GPR35: variants seen among roughly 807,000 people sequenced by gnomAD.
GPR35 encodes the protein KYNA receptor.
For missense variants in GPR35, 372 were observed against 422.5 expected, an observed-to-expected ratio of 0.88 and a Z score of 1.05; for synonymous variants, 207 against 198.4, an observed-to-expected ratio of 1.04 and a Z score of -0.36.
intron 1 of GPR35, chr2:240,629,145 T>G (rs1229450210): frequency 6.6e-6 from 1 of 152,370 alleles, no homozygotes; most frequent in Non-Finnish European, 1.5e-5. Context: ...GGTGACTTTG[T>G]GGGTGGTCCT....
intron 2 of GPR35, among the ~76,000 whole-genome samples, chr2:240,606,799 T>C (rs1425746121): frequency 6.6e-6 from 1 of 152,192 alleles, no homozygotes; most frequent in Non-Finnish European, 1.5e-5. Context: ...GAGCTGAGGC[T>C]GGAGATGTAA....
chr2:240,627,560 G>A (rs796191939), intron 1 of GPR35: 21 of 150,588 alleles, frequency 1.4e-4, no homozygotes, highest in African/African-American at 5.1e-4. Flanking sequence ...TCAACCTCCT[G>A]GGCTCAAGCC....
chr2:240,606,069 C>T (rs950389715), intron 1 of GPR35, among the ~76,000 whole-genome samples: 8 of 152,194 alleles, frequency 5.3e-5, no homozygotes, highest in African/African-American at 1.9e-4. Context: ...AGTGCTGCCC[C>T]CCAAACCCGG....
At chr2:240,619,923 C>T (rs1013115559) in intron 5 of GPR35, among the ~76,000 whole-genome samples, 1 of 152,132 alleles carries the variant, frequency 6.6e-6, no homozygotes, top group African/African-American at 2.4e-5. Context: ...CAAGCGGGGG[C>T]CCGATGGCTC....
intron 2 of GPR35, among the ~76,000 whole-genome samples, chr2:240,611,023 C>T (rs1249781661): frequency 1.3e-5 from 2 of 152,152 alleles, no homozygotes; most frequent in South Asian, 2.1e-4. Flanking sequence ...ACCTCCACTT[C>T]CCAGGTTCAA....
intron 2 of GPR35, among the ~76,000 whole-genome samples, chr2:240,611,452 A>G (rs1241953937): frequency 6.6e-6 from 1 of 152,062 alleles, no homozygotes; most frequent in African/African-American, 2.4e-5. Flanking sequence ...TATTTCACTT[A>G]TCTCTTCTAG....
chr2:240,608,732 T>G (rs566394310), intron 2 of GPR35, among the ~76,000 whole-genome samples: 1 of 152,314 alleles, frequency 6.6e-6, no homozygotes, highest in African/African-American at 2.4e-5. Flanking sequence ...CCAGTTTTGG[T>G]ACAGGGTAAA....
upstream of GPR35, among the ~76,000 whole-genome samples, chr2:240,624,179 G>A (rs1435835525): frequency 6.6e-6 from 1 of 152,168 alleles, no homozygotes; most frequent in African/African-American, 2.4e-5. Context: ...CAGGTGCCGT[G>A]CCTTCTGCTG....
chr2:240,615,822 A>G (rs1345580905), intron 2 of GPR35, among the ~76,000 whole-genome samples: 1 of 152,250 alleles, frequency 6.6e-6, no homozygotes, highest in African/African-American at 2.4e-5. Context: ...AGTAAGGTAG[A>G]CTTTATTCAA....
chr2:240,624,364 G>C (rs2043344598), upstream of GPR35, among the ~76,000 whole-genome samples: 3 of 152,224 alleles, frequency 2.0e-5, no homozygotes, highest in African/African-American at 7.2e-5. Context: ...GGGGAAGCAG[G>C]AGGAAGGGCA....
chr2:240,625,393 T>A (rs1176273849), upstream of GPR35: 4 of 985,370 alleles, frequency 4.1e-6, no homozygotes, highest in Admixed American at 6.1e-5. Context: ...ACCCCTGACC[T>A]GCTGCCGTCA....
At chr2:240,627,012 C>T (rs2975781) in intron 1 of GPR35, among the ~76,000 whole-genome samples, 57,284 of 152,030 alleles carry the variant, frequency 0.38, 12,839 homozygotes, top group East Asian at 0.68. Context: ...GAAGGGGAAG[C>T]GGGGCCTCAG....
chr2:240,607,963 C>T (rs1197275380), intron 2 of GPR35, among the ~76,000 whole-genome samples: 4 of 152,038 alleles, frequency 2.6e-5, no homozygotes, highest in African/African-American at 9.7e-5. Context: ...GCAATCTTAA[C>T]TCACTGTAGT....
intron 5 of GPR35, among the ~76,000 whole-genome samples, chr2:240,619,380 A>G (rs1304022718): frequency 6.6e-6 from 1 of 152,232 alleles, no homozygotes; most frequent in East Asian, 1.9e-4. Flanking sequence ...CATCTCTATC[A>G]GCAGGCGTCT....
chr2:240,619,925 C>G (rs1024877288), intron 5 of GPR35, among the ~76,000 whole-genome samples: 1 of 152,124 alleles, frequency 6.6e-6, no homozygotes, highest in Admixed American at 6.5e-5. Context: ...AGCGGGGGCC[C>G]GATGGCTCTC....
At chr2:240,610,447 A>G (rs900817238) in intron 2 of GPR35, among the ~76,000 whole-genome samples, 2 of 152,130 alleles carry the variant, frequency 1.3e-5, no homozygotes, top group African/African-American at 4.8e-5. Context: ...TCAGGCAGAC[A>G]GCATATTGTC....
exon 3 of GPR35, chr2:240,616,462 G>C (rs1281719514): frequency 1.3e-6 from 1 of 780,766 alleles, no homozygotes; most frequent in South Asian, 1.3e-5. Context: ...TCCCATGCCT[G>C]CCAATCTCCT....
chr2:240,632,123 GAGGGCTCTATGCCCAA>G lies in GPR35; in HGVS notation c.*1243_*1258del. ...ATTCCCAGGAGGGTCCCGTGCCCAG[GAGGGCTCTATGCCCAA>G]AAGGGTCCCATGTCCGGGAGGGTCC... On this transcript the variant is annotated 3_prime_UTR_variant, in exon 2 of 2. Transcript: ENST00000407714. 8.7e-6 allele frequency among the ~76,000 whole-genome samples: 1 copy of G among 114,288 alleles called. No homozygotes were observed. The highest frequency in any genetic ancestry group is 2.1e-5 in the Non-Finnish European group (1 of 47,654). The allele number at this position is 114,288 out of a possible 152,430, so 75.0% of individuals were successfully genotyped here.
At chr2:240,624,961 T>C (rs1220905591), upstream of GPR35, among the ~76,000 whole-genome samples, 1 of 152,170 alleles carries the variant, frequency 6.6e-6, no homozygotes, top group Non-Finnish European at 1.5e-5. Context: ...CCTGTGTGCA[T>C]TGGCGTGTGC....
Sources: allele counts gnomAD v4.1 joint callset (sites outside exome capture counted in the v4.1 genomes callset), GRCh38; gene constraint gnomAD v4.1.1; transcripts MANE v1.5; gene names NCBI Gene and HGNC (gene_info 2026-07-23, HGNC 2026-07-21).